Variants in LARP4B observed in about 807,000 individuals in gnomAD.
LARP4B encodes the protein La ribonucleoprotein 4B.
A neutral mutation model predicts 89.8 loss-of-function variants in LARP4B; 12 were observed. That is an observed-to-expected ratio of 0.13 (90% CI 0.09 to 0.22). The LOEUF is 0.22. LARP4B is among the 10% of genes least tolerant of loss of function. The probability of loss-of-function intolerance (pLI) is 1.00; values close to 1 mark genes in which losing one functional copy is unlikely to be tolerated. For synonymous variants in LARP4B, 367 were observed against 363.3 expected, an observed-to-expected ratio of 1.01 and a Z score of -0.12; for missense variants, 757 against 947.7, an observed-to-expected ratio of 0.80 and a Z score of 2.64.
intron 1 of LARP4B, among the ~76,000 whole-genome samples, chr10:915,965 T>C (rs1836808537): frequency 7.2e-5 from 11 of 152,106 alleles, no homozygotes; most frequent in Admixed American, 7.2e-4. Flanking sequence ...TTTCCCAAAA[T>C]CAACTTTCAA....
At position 810,711 on chromosome 10, in the gene LARP4B, G is replaced by A. The variant is rs1246778001; in HGVS notation, c.*2215C>T. ...TTCCGTAGCGAAGATGCAGCTCGTAGGCCCAGGCCTCGAGGTTGCCTCCCA... is the reference window on the plus strand; with the variant it reads ...TTCCGTAGCGAAGATGCAGCTCGTAAGCCCAGGCCTCGAGGTTGCCTCCCA... On this transcript the variant is annotated 3_prime_UTR_variant, in exon 18 of 18. Transcript: ENST00000316157. The A allele has an allele frequency of 5.3e-5, 8 of 152,228 alleles. No homozygotes were observed. The highest frequency in any genetic ancestry group is 1.0e-4 in the Non-Finnish European group (7 of 68,054). 9.4% of individuals were successfully genotyped at this position (152,228 alleles called of 1,614,324 possible).
At chr10:914,976 T>C (rs538345337) in intron 1 of LARP4B, among the ~76,000 whole-genome samples, 12 of 152,316 alleles carry the variant, frequency 7.9e-5, no homozygotes, top group East Asian at 3.9e-4. Flanking sequence ...TTTGCTAAAA[T>C]TGAACATTAA....
At chr10:875,873 T>A (rs908320254) in intron 3 of LARP4B, among the ~76,000 whole-genome samples, 2 of 152,208 alleles carry the variant, frequency 1.3e-5, no homozygotes, top group East Asian at 3.8e-4. Flanking sequence ...CCACAATTCA[T>A]GTCCTTCTTA....
intron 5 of LARP4B, among the ~76,000 whole-genome samples, chr10:862,256 T>TAAAAAAAAAAA (rs10661482): frequency 4.0e-4 from 34 of 84,408 alleles, no homozygotes; most frequent in African/African-American, 1.6e-3. Flanking sequence ...CCACTGAAGT[T>TAAAAAAAAAAA]AAAAAAAAAA....
chr10:850,113 G>A (rs1833967418), intron 5 of LARP4B, among the ~76,000 whole-genome samples: 1 of 152,200 alleles, frequency 6.6e-6, no homozygotes, highest in African/African-American at 2.4e-5. Context: ...CTGGGTGCCA[G>A]GTATATGGGA....
chr10:922,199 A>G (rs528026224), intron 1 of LARP4B, among the ~76,000 whole-genome samples: 2 of 152,340 alleles, frequency 1.3e-5, no homozygotes, highest in South Asian at 2.1e-4. Context: ...TGCAGTGCAC[A>G]GTAGGATTTG....
the LARP4B span, among the ~76,000 whole-genome samples, chr10:984,330 A>C: frequency 3.7e-4 from 56 of 152,252 alleles, no homozygotes; most frequent in Non-Finnish European, 7.1e-4. Context: ...TCATACAAGC[A>C]TAAGTACATG....
chr10:818,194 GA>G, intron 14 of LARP4B: 1 of 256,392 alleles, frequency 3.9e-6, no homozygotes. Context: ...AGGGGCAGCT[GA>G]AGGCAAGGGA....
chr10:961,161 AAAG>A, the LARP4B span, among the ~76,000 whole-genome samples: 7 of 152,352 alleles, frequency 4.6e-5, no homozygotes, highest in African/African-American at 1.7e-4. Flanking sequence ...AGAAATGTTA[AAAG>A]AAGTTCTTCA....
At chr10:972,614 T>G in the LARP4B span, 6 of 457,216 alleles carry the variant, frequency 1.3e-5, no homozygotes, top group African/African-American at 4.0e-5. Context: ...GTTTAGAGAC[T>G]TCCAAGCAAT....
the LARP4B span, among the ~76,000 whole-genome samples, chr10:969,498 G>T: frequency 5.3e-5 from 8 of 152,174 alleles, no homozygotes; most frequent in African/African-American, 1.9e-4. Flanking sequence ...GGGAGGCAGA[G>T]GTGGATAGAT....
the LARP4B span, among the ~76,000 whole-genome samples, chr10:969,364 G>T: frequency 1.3e-5 from 2 of 152,128 alleles, no homozygotes; most frequent in Non-Finnish European, 2.9e-5. Flanking sequence ...GATGACAAGG[G>T]CTCTTCTTGA....
At chr10:828,586 G>A (rs1372243751) in intron 11 of LARP4B, among the ~76,000 whole-genome samples, 1 of 152,160 alleles carries the variant, frequency 6.6e-6, no homozygotes, top group Non-Finnish European at 1.5e-5. Flanking sequence ...AGTCCACAGC[G>A]AAACCCTGGA....
the LARP4B span, among the ~76,000 whole-genome samples, chr10:982,476 G>A: frequency 1.3e-5 from 2 of 152,052 alleles, no homozygotes; most frequent in Admixed American, 1.3e-4. Flanking sequence ...AAGTAAAAAG[G>A]GAAAAAAGAG....
intron 1 of LARP4B, among the ~76,000 whole-genome samples, chr10:922,935 C>T (rs945862730): frequency 1.1e-4 from 16 of 152,118 alleles, no homozygotes; most frequent in African/African-American, 3.4e-4. Flanking sequence ...ATCAGCTGGG[C>T]GTGGTGGCAC....
At chr10:837,413 T>C (rs541053020) in intron 7 of LARP4B, among the ~76,000 whole-genome samples, 4 of 152,366 alleles carry the variant, frequency 2.6e-5, no homozygotes, top group African/African-American at 9.6e-5. Context: ...AGTGAATTTA[T>C]ACAATCAATG....
At position 815,041 on chromosome 10, in the gene LARP4B, G is replaced by C. The variant is rs1219770444; in HGVS notation, c.1725C>G (p.Thr575=). The C allele has an allele frequency of 3.1e-6, 5 of 1,600,478 alleles. No individual in the cohort carries two copies. Among genetic ancestry groups the C allele is most frequent in the Non-Finnish European group, 4.3e-6 (5 of 1,171,842 alleles). Residue 575 remains threonine (T), a synonymous_variant, in exon 16 of 18, where the codon ACC becomes ACG. Transcript: ENST00000316157. The part of the protein sequence containing the change: ...RTLSADASVN[T]LPVVVSREPS... ...GCTCTCTGGAGACCACTACAGGAAG[G>C]GTGTTCACGCTTGCGTCTGCACTGA...
upstream of LARP4B, among the ~76,000 whole-genome samples, chr10:932,711 C>G (rs1282924202): frequency 6.8e-6 from 1 of 146,490 alleles, no homozygotes; most frequent in Non-Finnish European, 1.5e-5. Context: ...GGACCCAGGC[C>G]CCAGCCCTGT....
intron 5 of LARP4B, among the ~76,000 whole-genome samples, chr10:848,616 A>G (rs1194836919): frequency 1.3e-5 from 2 of 152,178 alleles, no homozygotes; most frequent in Non-Finnish European, 2.9e-5. Flanking sequence ...AATGTCTGAT[A>G]TTAAAAATAC....
Sources: gnomAD v4.1 joint callset for allele counts (sites outside exome capture counted in the v4.1 genomes callset) on GRCh38, gnomAD v4.1.1 for gene constraint, MANE v1.5 for transcripts, NCBI Gene and HGNC (gene_info 2026-07-23, HGNC 2026-07-21) for gene names.